The following PLD5 variants were observed in gnomAD, a reference collection of about 807,000 sequenced individuals.
PLD5 encodes phospholipase D family member 5.
A neutral mutation model predicts 61.1 loss-of-function variants in PLD5; 36 were observed. The observed-to-expected ratio is 0.59, with a 90% confidence interval of 0.45 to 0.78. The LOEUF (loss-of-function observed/expected upper bound fraction) is 0.78, where lower values mean the gene tolerates loss of function less well. Ranked by LOEUF, PLD5 falls within the 30% of genes least tolerant of loss-of-function variation. PLD5 has a pLI of 0.00. For missense variants in PLD5, 515 were observed against 644.4 expected (o/e 0.80, Z 2.17); for synonymous variants, 243 against 242.8 (o/e 1.00, Z -0.01).
chr1:242,271,663 C>T (rs1345585954), intron 3 of PLD5, among the ~76,000 whole-genome samples: 6 of 152,064 alleles, frequency 3.9e-5, no homozygotes, highest in Non-Finnish European at 7.4e-5. Flanking sequence ...CAGATATAAA[C>T]AGACTTAGAG....
chr1:242,370,409 C>CGGGTGAG (rs1214316205), intron 1 of PLD5, among the ~76,000 whole-genome samples: 1 of 151,706 alleles, frequency 6.6e-6, no homozygotes, highest in Non-Finnish European at 1.5e-5. Context: ...AAGGACCTTA[C>CGGGTGAG]GGGTGAGGGG....
At chr1:242,284,786 GGACA>G (rs1249103360) in intron 3 of PLD5, among the ~76,000 whole-genome samples, 16 of 152,250 alleles carry the variant, frequency 1.1e-4, no homozygotes, top group African/African-American at 3.9e-4. Flanking sequence ...ACATGGCCAG[GGACA>G]GACAGGTATG....
At chr1:242,377,428 CTTTT>C (rs1464597660) in intron 1 of PLD5, 13 of 860,422 alleles carry the variant, frequency 1.5e-5, no homozygotes, top group South Asian at 1.4e-4. Context: ...TTGGTGTCTT[CTTTT>C]GTTTCCTCCT....
intron 6 of PLD5, among the ~76,000 whole-genome samples, chr1:242,123,013 T>C (rs940243350): frequency 1.3e-5 from 2 of 152,206 alleles, no homozygotes; most frequent in Non-Finnish European, 2.9e-5. Flanking sequence ...TTCAGAAGCT[T>C]GCTTCAAATA....
In PLD5 at chr1:242,353,122, A is replaced by T. The variant is rs550797404; in HGVS notation, c.190-4880T>A. On this transcript the variant is annotated intron_variant, in intron 1 of 9. Coordinates refer to ENST00000536534, the MANE Select transcript of PLD5 (RefSeq NM_001372062.1). ...AAATGTTATCATCCAGGCCAATGTC[A>T]TGTAGCTCTTCCCCTGTTTTAGTAG... Among the ~76,000 whole-genome samples, 6 of 152,228 alleles carry T rather than the reference A, an allele frequency of 3.9e-5. No individual in the cohort carries two copies. The South Asian group carries it at 1.2e-3, about 32-fold the overall frequency.
intron 1 of PLD5, among the ~76,000 whole-genome samples, chr1:242,457,180 A>C (rs1175524439): frequency 1.3e-5 from 2 of 152,166 alleles, no homozygotes; most frequent in Non-Finnish European, 2.9e-5. Context: ...TATTGTAGTA[A>C]AGCTTTTAAA....
chr1:242,247,397 A>AGAGTCAG (rs1473917792), intron 4 of PLD5, among the ~76,000 whole-genome samples: 1 of 152,216 alleles, frequency 6.6e-6, no homozygotes, highest in East Asian at 1.9e-4. Flanking sequence ...AGGCTGTACC[A>AGAGTCAG]GAGTCAGGTT....
chr1:242,527,999 G>A (rs773607932), upstream of PLD5, among the ~76,000 whole-genome samples: 2 of 152,120 alleles, frequency 1.3e-5, no homozygotes, highest in South Asian at 2.1e-4. Context: ...ATTCTTTACC[G>A]TGCTGTTAGT....
intron 6 of PLD5, among the ~76,000 whole-genome samples, chr1:242,118,721 G>A (rs917370429): frequency 6.6e-6 from 1 of 152,180 alleles, no homozygotes; most frequent in Non-Finnish European, 1.5e-5. Flanking sequence ...CACAATGGCA[G>A]GTGCTCCAGC....
chr1:242,450,454 AT>A (rs1666734901), intron 1 of PLD5, among the ~76,000 whole-genome samples: 2 of 152,256 alleles, frequency 1.3e-5, no homozygotes, highest in South Asian at 4.1e-4. Context: ...AGTCCCACAA[AT>A]TGGTAGAATT....
At chr1:242,160,703 G>GGTGA (rs1665752028) in intron 5 of PLD5, among the ~76,000 whole-genome samples, 2 of 151,954 alleles carry the variant, frequency 1.3e-5, no homozygotes, top group African/African-American at 4.8e-5. Flanking sequence ...TGGCCAACAT[G>GGTGA]GTGAAACACC....
At chr1:242,441,313 T>C (rs189491763) in intron 1 of PLD5, among the ~76,000 whole-genome samples, 177 of 152,158 alleles carry the variant, frequency 1.2e-3, no homozygotes, top group Non-Finnish European at 2.1e-3. Context: ...CTGTGTATGG[T>C]ATGTTTTTAG....
At chr1:242,417,040 G>T (rs1367267094) in intron 1 of PLD5, among the ~76,000 whole-genome samples, 1 of 152,208 alleles carries the variant, frequency 6.6e-6, no homozygotes, top group Non-Finnish European at 1.5e-5. Context: ...TATTTCAGAT[G>T]GCTGTAAGTG....
At chr1:242,392,436 G>T (rs912623055) in intron 1 of PLD5, among the ~76,000 whole-genome samples, 2 of 152,158 alleles carry the variant, frequency 1.3e-5, no homozygotes, top group African/African-American at 4.8e-5. Context: ...GGGTGAAAAG[G>T]CGAATGTAAG....
chr1:242,305,994 C>T (rs1039829497), intron 2 of PLD5, among the ~76,000 whole-genome samples: 2 of 152,072 alleles, frequency 1.3e-5, no homozygotes, highest in African/African-American at 2.4e-5. Flanking sequence ...ACCAAAGGAC[C>T]CGCCACCTGG....
intron 1 of PLD5, among the ~76,000 whole-genome samples, chr1:242,507,124 A>G (rs1668749385): frequency 2.0e-5 from 3 of 152,196 alleles, no homozygotes. Context: ...AATCTTTAGC[A>G]AAACTAATGC....
rs773844950 is a variant in PLD5 at position 242,124,627 on chromosome 1, G to A, written c.774C>T (p.Cys258=). The A allele has an allele frequency of 1.2e-6, 2 of 1,613,868 alleles. No homozygotes were observed. Among genetic ancestry groups the A allele is most frequent in the Non-Finnish European group, 1.7e-6 (2 of 1,179,886 alleles). ...ATATCCTTTGTAAATCTAGGACCAGGCAGCTGCAGTTGTAGAAGATGACAC... is the reference window on the plus strand; with the variant it reads ...ATATCCTTTGTAAATCTAGGACCAGACAGCTGCAGTTGTAGAAGATGACAC... The part of the protein sequence containing the change: ...ELGVIFYNCS[C]LVLDLQRIFA... Residue 258 remains cysteine (C), a synonymous_variant, in exon 6 of 10, where the codon TGC becomes TGT. Transcript: ENST00000536534.
chr1:242,211,169 A>G (rs1669795389), intron 5 of PLD5, among the ~76,000 whole-genome samples: 1 of 152,218 alleles, frequency 6.6e-6, no homozygotes, highest in Non-Finnish European at 1.5e-5. Flanking sequence ...TATTAGAAGA[A>G]GATGCCATCT....
At chr1:242,205,577 C>T (rs1278606369) in intron 5 of PLD5, among the ~76,000 whole-genome samples, 1 of 152,156 alleles carries the variant, frequency 6.6e-6, no homozygotes, top group African/African-American at 2.4e-5. Flanking sequence ...TTTGTTTTCC[C>T]TCATTTCATG....
Sources: gnomAD v4.1 joint callset for allele counts (sites outside exome capture counted in the v4.1 genomes callset) on GRCh38, gnomAD v4.1.1 for gene constraint, MANE v1.5 for transcripts, NCBI Gene and HGNC (gene_info 2026-07-23, HGNC 2026-07-21) for gene names.